The following FAM228B variants were observed in gnomAD, a reference collection of about 807,000 sequenced individuals.
FAM228B encodes family with sequence similarity 228 member B, also known as protein FAM228B.
FAM228B carries 38 observed loss-of-function variants against 42.6 expected under a neutral mutation model. The observed-to-expected ratio is 0.89, with a 90% CI of 0.69 to 1.17. The LOEUF (loss-of-function observed/expected upper bound fraction) is 1.17, where lower values mean the gene tolerates loss of function less well. FAM228B is among the 50% of genes most tolerant of loss of function. The probability of loss-of-function intolerance (pLI) is 0.00; values close to 1 mark genes in which losing one functional copy is unlikely to be tolerated. For missense variants in FAM228B, 344 were observed against 367.3 expected (o/e 0.94, Z 0.52); for synonymous variants, 109 against 122.3 (o/e 0.89, Z 0.72).
chr2:24,083,180 T>G, intron 2 of FAM228B: 1 of 1,564,768 alleles, frequency 6.4e-7, no homozygotes, highest in Non-Finnish European at 8.7e-7. Context: ...CACTAAGTGG[T>G]GAGCATGATC....
At chr2:24,143,936 C>T (rs933015134) in intron 5 of FAM228B, among the ~76,000 whole-genome samples, 1 of 151,294 alleles carries the variant, frequency 6.6e-6, no homozygotes, top group Non-Finnish European at 1.5e-5. Context: ...TTGCTTGAAC[C>T]CAGGAGGCGG....
At chr2:24,149,113 T>A (rs1274137267) in intron 7 of FAM228B, among the ~76,000 whole-genome samples, 1 of 152,272 alleles carries the variant, frequency 6.6e-6, no homozygotes, top group Non-Finnish European at 1.5e-5. Context: ...ATTTTCTTTA[T>A]CCATTCATCT....
intron 3 of FAM228B, among the ~76,000 whole-genome samples, chr2:24,112,817 C>T (rs1558374546): frequency 6.6e-6 from 1 of 152,164 alleles, no homozygotes; most frequent in Non-Finnish European, 1.5e-5. Flanking sequence ...CTGTCTCCCA[C>T]GTACTGCTTT....
chr2:24,090,170 A>G (rs769642585), intron 2 of FAM228B, among the ~76,000 whole-genome samples: 1 of 151,426 alleles, frequency 6.6e-6, no homozygotes, highest in Non-Finnish European at 1.5e-5. Flanking sequence ...CGGGAGGTTG[A>G]AGCAGGAGAA....
intron 7 of FAM228B, among the ~76,000 whole-genome samples, chr2:24,160,600 T>TC (rs202091886): frequency 0.011 from 1,701 of 152,282 alleles, 31 homozygotes; most frequent in African/African-American, 0.038. Context: ...TTTCCTTTTT[T>TC]CCCCCCAATA....
At chr2:24,105,339 C>T (rs530528458) in intron 3 of FAM228B, among the ~76,000 whole-genome samples, 1 of 152,322 alleles carries the variant, frequency 6.6e-6, no homozygotes, top group South Asian at 2.1e-4. Flanking sequence ...AGGGGCTCCT[C>T]CAAGACCTAG....
At chr2:24,082,724 C>A (rs1665059512) in intron 2 of FAM228B, among the ~76,000 whole-genome samples, 1 of 152,210 alleles carries the variant, frequency 6.6e-6, no homozygotes, top group Non-Finnish European at 1.5e-5. Context: ...CCATGATTCT[C>A]AGCCTCAACA....
chr2:24,141,139 G>A (rs13020405), intron 5 of FAM228B, among the ~76,000 whole-genome samples: 81,858 of 151,268 alleles, frequency 0.54, 22,671 homozygotes, highest in East Asian at 0.77. Flanking sequence ...GCAATGGCAC[G>A]ATCTCGGCTC....
chr2:24,167,759 C>A, intron 10 of FAM228B, 76 bp downstream of exon 10: 2 of 1,486,558 alleles, frequency 1.3e-6, no homozygotes, highest in Non-Finnish European at 1.8e-6. Flanking sequence ...TTTCTGATAT[C>A]TTCAGAGTCC....
At chr2:24,094,459 A>G (rs1382049530) in intron 2 of FAM228B, among the ~76,000 whole-genome samples, 2 of 152,170 alleles carry the variant, frequency 1.3e-5, no homozygotes, top group African/African-American at 4.8e-5. Flanking sequence ...TTCTTTTAAT[A>G]CTGACATTTT....
chr2:24,141,434 C>T (rs975464093), intron 5 of FAM228B, among the ~76,000 whole-genome samples: 3 of 152,138 alleles, frequency 2.0e-5, no homozygotes, highest in African/African-American at 7.2e-5. Context: ...TTAGTAGAGA[C>T]GGGGTTTCAC....
chr2:24,120,665 C>T (rs190850045), upstream of FAM228B, among the ~76,000 whole-genome samples: 190 of 152,136 alleles, frequency 1.2e-3, 3 homozygotes, highest in Non-Finnish European at 3.5e-4. Context: ...AAGAAATTCT[C>T]CTGCCTCAGC....
intron 9 of FAM228B, among the ~76,000 whole-genome samples, chr2:24,164,919 T>C (rs1422917940): frequency 6.6e-6 from 1 of 151,908 alleles, no homozygotes; most frequent in Non-Finnish European, 1.5e-5. Flanking sequence ...TTGTTCTCTG[T>C]GGACCCTGGA....
upstream of FAM228B, among the ~76,000 whole-genome samples, chr2:24,121,794 C>T (rs1666127507): frequency 6.6e-6 from 1 of 152,184 alleles, no homozygotes; most frequent in African/African-American, 2.4e-5. Flanking sequence ...CTTGCTCTCT[C>T]TTGCTTCCTC....
At position 24,149,055 on chromosome 2, in the gene FAM228B, G is replaced by T. The variant is rs7569890; in HGVS notation, c.686+1969G>T. ...CATCCATATTGTTGCTAATAACAGG[G>T]TCTCATTCTTTTTTATGGCTGAATA... On this transcript the variant is annotated intron_variant, in intron 7 of 10. Transcript: ENST00000615575. 9.2e-5 allele frequency among the ~76,000 whole-genome samples: 14 copies of T among 152,286 alleles called. 1 individual carries two copies. The highest frequency in any genetic ancestry group is 9.1e-4 in the Admixed American group (14 of 15,312).
rs1666694398 is a variant in FAM228B at position 24,139,378 on chromosome 2, A to G, written c.369A>G (p.Ala123=). Residue 123 remains alanine (A), a synonymous_variant, in exon 5 of 11, where the codon GCA becomes GCG. Transcript: ENST00000615575. ...FLKHVNKKGN[A]FIEHYDPKEY... is the part of the protein sequence containing the mutation. ...TTATTTCCTTGCTATAGGGAAATGC[A>G]TTTATAGAACATTATGATCCAAAAG... 6.5e-7 allele frequency: 1 copy of G among 1,539,456 alleles called. No homozygotes were observed. The highest frequency in any genetic ancestry group is 8.8e-7 in the Non-Finnish European group (1 of 1,137,348).
chr2:24,158,579 G>C (rs966448103), intron 7 of FAM228B, among the ~76,000 whole-genome samples: 1 of 152,056 alleles, frequency 6.6e-6, no homozygotes, highest in Non-Finnish European at 1.5e-5. Flanking sequence ...GATGTGTGAG[G>C]TATATGACAG....
At chr2:24,123,598 G>C (rs1666203114) in intron 1 of FAM228B, 65 bp downstream of exon 1, 1 of 152,052 alleles carries the variant, frequency 6.6e-6, no homozygotes, top group Non-Finnish European at 1.5e-5. Flanking sequence ...CAGTCGGACG[G>C]CTCCGGGGTC....
chr2:24,143,455 A>G (rs930907250), intron 5 of FAM228B, among the ~76,000 whole-genome samples: 2 of 152,134 alleles, frequency 1.3e-5, no homozygotes, highest in East Asian at 3.8e-4. Context: ...TGGCCTCCCA[A>G]AATGCTGGGA....
Sources: gnomAD v4.1 joint callset for allele counts (sites outside exome capture counted in the v4.1 genomes callset) on GRCh38, gnomAD v4.1.1 for gene constraint, MANE v1.5 for transcripts, NCBI Gene and HGNC (gene_info 2026-07-23, HGNC 2026-07-21) for gene names.